The following PPARGC1A variants were observed in gnomAD, a reference collection of about 807,000 sequenced individuals.
The protein encoded by PPARGC1A is PPARG coactivator 1 alpha.
Under a neutral mutation model 88.7 loss-of-function variants are expected in PPARGC1A, and 25 were observed. The ratio of observed to expected loss-of-function variants is 0.28; its 90% confidence interval spans 0.21 to 0.39. The LOEUF is 0.39. Ranked by LOEUF, PPARGC1A falls within the 10% of genes least tolerant of loss-of-function variation. The pLI, the probability that PPARGC1A is intolerant of heterozygous loss-of-function variation, is 1.00. For synonymous variants in PPARGC1A, 363 were observed against 355.6 expected, an observed-to-expected ratio of 1.02 and a Z score of -0.24; for missense variants, 880 against 968.7, an observed-to-expected ratio of 0.91 and a Z score of 1.22.
chr4:23,911,647 C>G, the PPARGC1A span, among the ~76,000 whole-genome samples: 1 of 152,092 alleles, frequency 6.6e-6, no homozygotes, highest in African/African-American at 2.4e-5. Context: ...CAATAACTTT[C>G]CAATTGGACA....
rs867921124 is a variant in PPARGC1A, at chr4:23,832,847, T to C, written c.235-1096A>G. Among the ~76,000 whole-genome samples, 47 of 147,852 alleles carry C rather than the reference T, an allele frequency of 3.2e-4. 2 individuals are homozygous for C. The South Asian group carries it at 3.6e-3, about 11-fold the overall frequency. On this transcript the variant is annotated intron_variant, in intron 2 of 12. Coordinates refer to ENST00000264867, the MANE Select transcript of PPARGC1A (RefSeq NM_013261.5). The stretch of plus-strand genomic sequence containing the variant: ...GGATGGTCTCGATCTCCTGACCTCG[T>C]GATCCACCCACCTCGGCCTCCCAAA...
chr4:24,376,031 A>AAT, the PPARGC1A span, among the ~76,000 whole-genome samples: 1 of 151,490 alleles, frequency 6.6e-6, no homozygotes, highest in South Asian at 2.1e-4. Flanking sequence ...CCAAGAAAAA[A>AAT]AAAAATACTG....
At chr4:24,054,680 T>G in the PPARGC1A span, among the ~76,000 whole-genome samples, 4 of 152,210 alleles carry the variant, frequency 2.6e-5, no homozygotes, top group South Asian at 8.3e-4. Flanking sequence ...ATTAACATAC[T>G]TTTTTAATAA....
chr4:24,410,089 G>A, the PPARGC1A span, among the ~76,000 whole-genome samples: 1 of 152,120 alleles, frequency 6.6e-6, no homozygotes, highest in Non-Finnish European at 1.5e-5. Context: ...AAAAAGCCAA[G>A]TATCCGTAAC....
chr4:23,817,252 G>T (rs925743531), intron 7 of PPARGC1A, among the ~76,000 whole-genome samples: 1 of 152,090 alleles, frequency 6.6e-6, no homozygotes, highest in African/African-American at 2.4e-5. Context: ...CCTTGTCCTA[G>T]TACCCAAGCT....
At chr4:24,419,916 C>A in the PPARGC1A span, among the ~76,000 whole-genome samples, 2 of 152,096 alleles carry the variant, frequency 1.3e-5, no homozygotes, top group African/African-American at 4.8e-5. Context: ...ATCCAGGCAA[C>A]CTTGTGTATT....
chr4:24,228,008 T>A, the PPARGC1A span, among the ~76,000 whole-genome samples: 1 of 152,168 alleles, frequency 6.6e-6, no homozygotes, highest in Non-Finnish European at 1.5e-5. Context: ...TTCATTTGTT[T>A]GAATTTGGGA....
At chr4:24,142,067 T>A in the PPARGC1A span, among the ~76,000 whole-genome samples, 1 of 152,196 alleles carries the variant, frequency 6.6e-6, no homozygotes, top group African/African-American at 2.4e-5. Context: ...CAGCATGTAG[T>A]GCCACATACA....
the PPARGC1A span, among the ~76,000 whole-genome samples, chr4:24,287,253 C>A: frequency 6.6e-6 from 1 of 151,568 alleles, no homozygotes; most frequent in Admixed American, 6.6e-5. Context: ...CCTACAGGGA[C>A]AAATCATTCC....
upstream of PPARGC1A, among the ~76,000 whole-genome samples, chr4:23,892,438 G>GTT (rs1553904647): frequency 2.9e-4 from 3 of 10,300 alleles, no homozygotes; most frequent in African/African-American, 4.9e-4. Flanking sequence ...TGCTTTCCAC[G>GTT]ATATTTTTTT....
the PPARGC1A span, among the ~76,000 whole-genome samples, chr4:24,087,752 C>G: frequency 2.7e-3 from 416 of 152,324 alleles, 5 homozygotes; most frequent in East Asian, 0.052. Context: ...GGGGCATTAA[C>G]TGTGCTACAG....
At chr4:23,893,469 T>G (rs904944084), upstream of PPARGC1A, among the ~76,000 whole-genome samples, 6 of 152,208 alleles carry the variant, frequency 3.9e-5, no homozygotes, top group African/African-American at 1.4e-4. Context: ...GTTCATTTGT[T>G]TTTATAAGTT....
At chr4:23,967,326 G>A in the PPARGC1A span, among the ~76,000 whole-genome samples, 1 of 152,116 alleles carries the variant, frequency 6.6e-6, no homozygotes, top group Non-Finnish European at 1.5e-5. Context: ...TAATTTCTAT[G>A]TCCCCGCTTT....
At chr4:24,271,542 A>G in the PPARGC1A span, among the ~76,000 whole-genome samples, 29 of 152,096 alleles carry the variant, frequency 1.9e-4, no homozygotes, top group African/African-American at 6.8e-4. Flanking sequence ...CACCCCAGCT[A>G]ATTTTGTTGT....
the PPARGC1A span, among the ~76,000 whole-genome samples, chr4:24,461,640 C>T: frequency 6.6e-6 from 1 of 151,892 alleles, no homozygotes; most frequent in African/African-American, 2.4e-5. Context: ...ACTTTTGTGT[C>T]TCTCTTACTA....
the PPARGC1A span, among the ~76,000 whole-genome samples, chr4:24,119,702 G>A: frequency 3.9e-5 from 6 of 151,974 alleles, no homozygotes; most frequent in African/African-American, 1.4e-4. Flanking sequence ...ATAGGAAAAC[G>A]GCAGCAAAAA....
the PPARGC1A span, among the ~76,000 whole-genome samples, chr4:24,403,879 CA>C: frequency 6.6e-6 from 1 of 152,122 alleles, no homozygotes; most frequent in Admixed American, 6.5e-5. Flanking sequence ...AGACACAGCA[CA>C]AAAATTTGCC....
At chr4:24,345,491 A>C in the PPARGC1A span, among the ~76,000 whole-genome samples, 1 of 152,106 alleles carries the variant, frequency 6.6e-6, no homozygotes, top group Non-Finnish European at 1.5e-5. Flanking sequence ...TGTTAGGTAT[A>C]TTCCTAAAAA....
At chr4:24,472,811 G>A in the PPARGC1A span, among the ~76,000 whole-genome samples, 3 of 151,542 alleles carry the variant, frequency 2.0e-5, no homozygotes, top group Admixed American at 6.6e-5. This position sits in a 1 kb window ranked among gnomAD's most constrained non-coding sequence, Gnocchi z 4.5. Context: ...TGGTGTGTGC[G>A]CGCAGAGCGA....
Sources: gnomAD v4.1 joint callset for allele counts (sites outside exome capture counted in the v4.1 genomes callset) on GRCh38, gnomAD v4.1.1 for gene constraint, Gnocchi (gnomAD v3.1) non-coding constraint, MANE v1.5 for transcripts, NCBI Gene and HGNC (gene_info 2026-07-23, HGNC 2026-07-21) for gene names.